CELF4: variants seen among roughly 807,000 people sequenced by gnomAD.
CELF4 encodes the protein CUG-BP- and ETR-3-like factor 4.
In CELF4, 18 loss-of-function variants were observed where a neutral mutation model predicts 59.9. The observed-to-expected ratio is 0.30, with a 90% confidence interval of 0.21 to 0.45. The LOEUF (loss-of-function observed/expected upper bound fraction) is 0.45. Among genes scored for constraint, CELF4 ranks in the 20% least tolerant of loss-of-function variants. The pLI, the probability that CELF4 is intolerant of heterozygous loss-of-function variation, is 1.00. For synonymous variants in CELF4, 261 were observed against 267.1 expected, an observed-to-expected ratio of 0.98 and a Z score of 0.22; for missense variants, 456 against 689.0, an observed-to-expected ratio of 0.66 and a Z score of 3.79.
At chr18:37,490,306 T>C (rs2099897210) in intron 1 of CELF4, among the ~76,000 whole-genome samples, 1 of 152,194 alleles carries the variant, frequency 6.6e-6, no homozygotes, top group South Asian at 2.1e-4. Context: ...CCTATGACTT[T>C]CACTTTTTTT....
intron 7 of CELF4, among the ~76,000 whole-genome samples, chr18:37,271,511 C>T (rs908782343): frequency 1.3e-5 from 2 of 152,150 alleles, no homozygotes; most frequent in Admixed American, 1.3e-4. Context: ...CCGCCTCGGC[C>T]TCCCAAAATG....
chr18:37,279,692 G>C (rs976958541), intron 3 of CELF4, among the ~76,000 whole-genome samples: 21 of 152,196 alleles, frequency 1.4e-4, no homozygotes, highest in Non-Finnish European at 2.9e-5. Flanking sequence ...CCCCAAACAA[G>C]ACAAAGGCCA....
At chr18:37,532,724 A>C (rs111576946) in intron 1 of CELF4, among the ~76,000 whole-genome samples, 1,649 of 152,340 alleles carry the variant, frequency 0.011, 30 homozygotes, top group African/African-American at 0.037. Context: ...CCCCGTATTC[A>C]ACATATATGG....
intron 1 of CELF4, among the ~76,000 whole-genome samples, chr18:37,547,839 G>A (rs970582277): frequency 6.6e-6 from 1 of 152,154 alleles, no homozygotes; most frequent in African/African-American, 2.4e-5. Flanking sequence ...TGGTATGTGA[G>A]TATGTGTGTC....
chr18:37,387,541 A>G (rs2099112560), intron 2 of CELF4, among the ~76,000 whole-genome samples: 2 of 152,116 alleles, frequency 1.3e-5, no homozygotes, highest in African/African-American at 4.8e-5. Flanking sequence ...CTCCACCCCG[A>G]GAGGACTGAA....
intron 3 of CELF4, among the ~76,000 whole-genome samples, chr18:37,286,600 G>A (rs2094802707): frequency 6.6e-6 from 1 of 152,190 alleles, no homozygotes; most frequent in South Asian, 2.1e-4. Flanking sequence ...AGTGGGGCTT[G>A]GCTTTCTGTG....
At chr18:37,362,275 A>T (rs1356605539) in intron 2 of CELF4, among the ~76,000 whole-genome samples, 1 of 146,276 alleles carries the variant, frequency 6.8e-6, no homozygotes, top group Non-Finnish European at 1.5e-5. Context: ...TGTTTGTTCC[A>T]GCCCCGCTCC....
In CELF4 at chr18:37,261,715, C is replaced by A. The variant is rs1050016618; in HGVS notation, c.1250-2451G>T. 5.3e-5 allele frequency among the ~76,000 whole-genome samples: 8 copies of A among 152,374 alleles called. No homozygotes were observed. In the South Asian group the frequency reaches 1.7e-3, roughly 32 times the overall value. The stretch of plus-strand genomic sequence containing the variant: ...AAAGCGGCTACCCCTGACCACCTTG[C>A]AGCCCTGGCAGAGCCGCTGCGGCAG... On this transcript the variant is annotated intron_variant, in intron 10 of 12. Transcript: ENST00000420428.
intron 1 of CELF4, among the ~76,000 whole-genome samples, chr18:37,519,627 G>A (rs888487423): frequency 6.6e-6 from 1 of 152,206 alleles, no homozygotes; most frequent in Non-Finnish European, 1.5e-5. Context: ...AGATCTGTGG[G>A]CAGCGAGGAG....
chr18:37,295,720 TC>T (rs1180776255), intron 3 of CELF4, among the ~76,000 whole-genome samples: 1 of 152,206 alleles, frequency 6.6e-6, no homozygotes, highest in Non-Finnish European at 1.5e-5. Flanking sequence ...GTACTTCACA[TC>T]CCCATTCGAA....
chr18:37,366,163 A>G (rs2098779448), intron 2 of CELF4, among the ~76,000 whole-genome samples: 1 of 152,192 alleles, frequency 6.6e-6, no homozygotes, highest in Non-Finnish European at 1.5e-5. Flanking sequence ...CATGCTGAGG[A>G]GGATGGTCTC....
intron 6 of CELF4, chr18:37,273,483 TG>T: frequency 9.4e-7 from 1 of 1,064,340 alleles, no homozygotes; most frequent in Non-Finnish European, 1.1e-6. Context: ...CGTGGGGAAG[TG>T]ACATCCAAAG....
chr18:37,391,804 A>C (rs2099164980), intron 2 of CELF4, among the ~76,000 whole-genome samples: 1 of 152,218 alleles, frequency 6.6e-6, no homozygotes, highest in African/African-American at 2.4e-5. Flanking sequence ...GATTCAGGAC[A>C]CAAGAGAGGC....
chr18:37,478,032 G>C (rs2099855233), intron 2 of CELF4, among the ~76,000 whole-genome samples: 1 of 152,218 alleles, frequency 6.6e-6, no homozygotes, highest in African/African-American at 2.4e-5. Context: ...AGACATATCT[G>C]ACCCACGCTT....
intron 10 of CELF4, among the ~76,000 whole-genome samples, chr18:37,262,221 T>C (rs566654854): frequency 2.8e-4 from 43 of 152,216 alleles, no homozygotes; most frequent in African/African-American, 1.0e-3. Context: ...GCTGTGCGGC[T>C]CTGTTGGTAT....
chr18:37,548,191 T>C (rs1334390111), intron 1 of CELF4, among the ~76,000 whole-genome samples: 1 of 152,092 alleles, frequency 6.6e-6, no homozygotes, highest in African/African-American at 2.4e-5. Flanking sequence ...CAGTGTGTGA[T>C]AATTTAAGAA....
At chr18:37,512,858 C>T (rs926368029) in intron 1 of CELF4, among the ~76,000 whole-genome samples, 1 of 151,688 alleles carries the variant, frequency 6.6e-6, no homozygotes, top group African/African-American at 2.4e-5. Flanking sequence ...TTTCTTCTCT[C>T]TCCTCCTCCT....
chr18:37,366,809 CCCACTACAT>C (rs938827391), intron 2 of CELF4, among the ~76,000 whole-genome samples: 267 of 152,232 alleles, frequency 1.8e-3, no homozygotes, highest in African/African-American at 6.2e-3. Flanking sequence ...TTCTATTTTT[CCCACTACAT>C]CCAGAGCCTC....
At chr18:37,451,131 G>GC (rs977350385) in intron 2 of CELF4, among the ~76,000 whole-genome samples, 6 of 152,310 alleles carry the variant, frequency 3.9e-5, no homozygotes, top group African/African-American at 1.2e-4. Context: ...AGGATCAGCT[G>GC]CCCCCCGTCC....
Sources: gnomAD v4.1 joint callset for allele counts (sites outside exome capture counted in the v4.1 genomes callset) on GRCh38, gnomAD v4.1.1 for gene constraint, MANE v1.5 for transcripts, NCBI Gene and HGNC (gene_info 2026-07-23, HGNC 2026-07-21) for gene names.